The following HMGB1 variants were observed in gnomAD, a reference collection of about 807,000 sequenced individuals.
HMGB1 encodes high mobility group protein B1.
For missense variants in HMGB1, 79 were observed against 253.5 expected, an observed-to-expected ratio of 0.31 and a Z score of 4.67; for synonymous variants, 81 against 84.0, an observed-to-expected ratio of 0.96 and a Z score of 0.19.
Position 30,602,346 on chromosome 13 carries a change from G to A in HMGB1, c.-15+14325C>T, listed in dbSNP as rs909865185. Among the ~76,000 whole-genome samples, 6 of 152,266 alleles carry A rather than the reference G, an allele frequency of 3.9e-5. 1 individual carries two copies. Among genetic ancestry groups the A allele is most frequent in the Admixed American group, 3.9e-4 (6 of 15,292 alleles). On this transcript the variant is annotated intron_variant, in intron 1 of 4. Coordinates refer to the HMGB1 transcript ENST00000405805. Reference sequence around the variant, plus strand: ...GACTACAGCCACATGAACAGAACCAGGTGAGACCAGAGGAAACTTCCAGTC... The same window carrying A: ...GACTACAGCCACATGAACAGAACCAAGTGAGACCAGAGGAAACTTCCAGTC...
In HMGB1 at chr13:30,544,520, C is replaced by T. The variant is rs567899510; in HGVS notation, c.-15+72151G>A. Among the ~76,000 whole-genome samples, 11 of 152,294 alleles carry T rather than the reference C, an allele frequency of 7.2e-5. No individual in the cohort carries two copies. The East Asian group carries it at 1.4e-3, about 19-fold the overall frequency. On this transcript the variant is annotated intron_variant, in intron 1 of 4. Transcript: ENST00000405805. ...GTAGTCCATCATGCCTATGTAATGA[C>T]GCTTCCATAAAACCCTCAAAGGACT...
Position 30,473,132 on chromosome 13 carries a change from T to C in HMGB1, c.-14-9438A>G, listed in dbSNP as rs907548339. ...GAGGCGAAAGAGAGGGAGATGGTGC[T>C]ATATGTGTTCATGTATGGAGAAGGA... On this transcript the variant is annotated intron_variant, in intron 1 of 4. Coordinates refer to the HMGB1 transcript ENST00000405805. 7.2e-5 allele frequency among the ~76,000 whole-genome samples: 11 copies of C among 152,278 alleles called. No homozygotes were observed. In the East Asian group the frequency reaches 1.9e-3, roughly 27 times the overall value.
At chr13:30,464,718 C>T in intron 1 of HMGB1, 1 of 843,500 alleles carries the variant, frequency 1.2e-6, no homozygotes, top group Non-Finnish European at 1.4e-6. Context: ...TGCGCCGCCG[C>T]CGCCGCGAGG....
intron 1 of HMGB1, among the ~76,000 whole-genome samples, chr13:30,537,651 T>TCA (rs1868502313): frequency 5.8e-5 from 4 of 69,252 alleles, no homozygotes; most frequent in South Asian, 5.3e-4. Context: ...TCATTCTTGT[T>TCA]CATATATATA....
intron 1 of HMGB1, among the ~76,000 whole-genome samples, chr13:30,481,005 G>T (rs1335976023): frequency 6.6e-6 from 1 of 151,724 alleles, no homozygotes; most frequent in East Asian, 1.9e-4. Context: ...TTTTAAAGAG[G>T]TGTAATATTA....
chr13:30,522,539 G>T (rs1282230265), intron 1 of HMGB1, among the ~76,000 whole-genome samples: 1 of 152,104 alleles, frequency 6.6e-6, no homozygotes, highest in African/African-American at 2.4e-5. Flanking sequence ...GGAGGGGGAG[G>T]ACTGGGTGCA....
At chr13:30,547,495 A>G (rs927746333) in intron 1 of HMGB1, among the ~76,000 whole-genome samples, 1 of 152,232 alleles carries the variant, frequency 6.6e-6, no homozygotes, top group African/African-American at 2.4e-5. Flanking sequence ...ACCTCAGCCA[A>G]CCTTAACCTG....
At chr13:30,583,528 C>CAA (rs35519297) in intron 1 of HMGB1, among the ~76,000 whole-genome samples, 78 of 66,810 alleles carry the variant, frequency 1.2e-3, no homozygotes, top group African/African-American at 1.7e-3. Context: ...ACCTGGTCTC[C>CAA]AAAAAAAAAA....
At chr13:30,505,610 CT>C (rs1887845823) in intron 1 of HMGB1, among the ~76,000 whole-genome samples, 1 of 152,074 alleles carries the variant, frequency 6.6e-6, no homozygotes, top group African/African-American at 2.4e-5. Flanking sequence ...CATGCCCGAC[CT>C]ATTTTTCAAC....
intron 1 of HMGB1, among the ~76,000 whole-genome samples, chr13:30,526,735 C>T (rs1261486957): frequency 6.6e-6 from 1 of 152,208 alleles, no homozygotes; most frequent in Non-Finnish European, 1.5e-5. Flanking sequence ...CACTAAATGA[C>T]TTGTCCCAAG....
chr13:30,532,516 A>G (rs1436946914), intron 1 of HMGB1, among the ~76,000 whole-genome samples: 4 of 151,948 alleles, frequency 2.6e-5, no homozygotes, highest in Non-Finnish European at 4.4e-5. Flanking sequence ...TATTTTTTAT[A>G]TATGTTTTTT....
At chr13:30,462,839 T>A in intron 3 of HMGB1, 127 bp from the exon 4 acceptor site, 1 of 698,140 alleles carries the variant, frequency 1.4e-6, no homozygotes, top group Non-Finnish European at 2.4e-6. Context: ...AGGGTGCAAA[T>A]ACTATAATAT....
intron 1 of HMGB1, among the ~76,000 whole-genome samples, chr13:30,548,182 T>C (rs772270686): frequency 1.8e-4 from 27 of 152,136 alleles, no homozygotes; most frequent in Non-Finnish European, 3.2e-4. Context: ...TGGGAGGTAA[T>C]TGAATCATGG....
chr13:30,568,042 GT>G (rs1870266864), intron 1 of HMGB1, among the ~76,000 whole-genome samples: 1 of 152,144 alleles, frequency 6.6e-6, no homozygotes, highest in Non-Finnish European at 1.5e-5. Flanking sequence ...AAGCTCTAGT[GT>G]TCCCCCTGGG....
At chr13:30,587,538 G>A (rs1019704649) in intron 1 of HMGB1, among the ~76,000 whole-genome samples, 28 of 152,278 alleles carry the variant, frequency 1.8e-4, no homozygotes, top group African/African-American at 6.5e-4. Context: ...TGAGACTAGT[G>A]GGGTCCTTAA....
chr13:30,494,849 CTA>C (rs1240841215), intron 1 of HMGB1, among the ~76,000 whole-genome samples: 1 of 152,160 alleles, frequency 6.6e-6, no homozygotes. Context: ...CTTTCTGTCT[CTA>C]TGAATTTGAC....
intron 1 of HMGB1, among the ~76,000 whole-genome samples, chr13:30,568,621 G>A (rs142693422): frequency 6.6e-6 from 1 of 152,280 alleles, no homozygotes; most frequent in Non-Finnish European, 1.5e-5. Flanking sequence ...CAAAAGAAAG[G>A]TAGAGGGAAC....
chr13:30,481,561 AG>A (rs1245442457), intron 1 of HMGB1, among the ~76,000 whole-genome samples: 2 of 152,280 alleles, frequency 1.3e-5, no homozygotes, highest in East Asian at 3.8e-4. Flanking sequence ...TTCTAAATTG[AG>A]ATGCCAATCC....
chr13:30,518,857 A>C (rs1888160163), intron 1 of HMGB1, among the ~76,000 whole-genome samples: 1 of 151,190 alleles, frequency 6.6e-6, no homozygotes, highest in Non-Finnish European at 1.5e-5. Flanking sequence ...AAAAAAAAAA[A>C]AAAAAAGCTA....
Sources: allele counts gnomAD v4.1 joint callset (sites outside exome capture counted in the v4.1 genomes callset), GRCh38; gene constraint gnomAD v4.1.1; transcripts MANE v1.5; gene names NCBI Gene and HGNC (gene_info 2026-07-23, HGNC 2026-07-21).